The following KCNQ1 variants were observed in gnomAD, a reference collection of about 807,000 sequenced individuals.
The protein encoded by KCNQ1 is potassium voltage-gated channel subfamily Q member 1.
KCNQ1 carries 49 observed loss-of-function variants against 72.4 expected under a neutral mutation model. That is an observed-to-expected ratio of 0.68 (90% confidence interval 0.54 to 0.86). The LOEUF (loss-of-function observed/expected upper bound fraction) is 0.86. Among genes scored for constraint, KCNQ1 ranks in the 40% least tolerant of loss-of-function variants. The pLI is 0.00. For synonymous variants in KCNQ1, 450 were observed against 412.6 expected (o/e 1.09, Z -1.10); for missense variants, 790 against 945.1 (o/e 0.84, Z 2.15).
intron 10 of KCNQ1, chr11:2,619,070 C>T (rs993616269): frequency 1.3e-5 from 5 of 398,290 alleles, no homozygotes; most frequent in African/African-American, 8.2e-5. Flanking sequence ...TAACAGGTTG[C>T]TTTGTCAGAG....
At chr11:2,466,034 G>C (rs1445771263) in intron 1 of KCNQ1, among the ~76,000 whole-genome samples, 38 of 152,202 alleles carry the variant, frequency 2.5e-4, no homozygotes, top group Non-Finnish European at 1.5e-5. Context: ...GAGTGTTCTC[G>C]GGCTGGCTAT....
At chr11:2,499,296 T>C (rs145395253) in intron 1 of KCNQ1, among the ~76,000 whole-genome samples, 32 of 152,216 alleles carry the variant, frequency 2.1e-4, no homozygotes, top group Middle Eastern at 6.8e-3. Context: ...ACCTCAGATC[T>C]AAAACATATG....
At chr11:2,765,805 A>T (rs1229207936) in intron 11 of KCNQ1, among the ~76,000 whole-genome samples, 1 of 152,030 alleles carries the variant, frequency 6.6e-6, no homozygotes. Flanking sequence ...ATCTTTTTCT[A>T]TCCTTTCCCA....
At position 2,645,562 on chromosome 11, in the gene KCNQ1, G is replaced by A; in HGVS notation, c.1394-16399G>A. 1 of 398,720 alleles carries A rather than the reference G, an allele frequency of 2.5e-6. No homozygotes were observed. The highest frequency in any genetic ancestry group is 4.4e-6 in the Non-Finnish European group (1 of 226,142). 24.7% of individuals were successfully genotyped at this position (398,720 alleles called of 1,614,324 possible). A position where few individuals can be genotyped will look rare whatever the true frequency, so the allele number is the denominator to read the frequency against. On this transcript the variant is annotated intron_variant, in intron 10 of 15. Transcript: ENST00000155840. This position sits in a 1 kb window ranked among gnomAD's most constrained non-coding sequence, Gnocchi z 5.8. ...AGTGGGATTGCTTTCAGTGGCAGCA[G>A]CTATAAACAGGCAGTTGGGCAATGC...
At position 2,463,754 on chromosome 11, in the gene KCNQ1, G is replaced by A. The variant is rs1329472958; in HGVS notation, c.386+18270G>A. On this transcript the variant is annotated intron_variant, in intron 1 of 15. Coordinates refer to ENST00000155840, the MANE Select transcript of KCNQ1 (RefSeq NM_000218.3). The surrounding 1 kb of genome is among the most constrained non-coding windows in gnomAD (Gnocchi z 7.0). ...GTGCAACTCGAGTTTCAGAGTGGCGGCCTCTGCTCCTCACAAGACATTGCC... is the reference window on the plus strand; with the variant it reads ...GTGCAACTCGAGTTTCAGAGTGGCGACCTCTGCTCCTCACAAGACATTGCC... Among the ~76,000 whole-genome samples the A allele has an allele frequency of 6.6e-6, 1 of 152,244 alleles. No individual in the cohort carries two copies. The highest frequency in any genetic ancestry group is 1.5e-5 in the Non-Finnish European group (1 of 68,038).
chr11:2,677,099 C>A lies in KCNQ1; in HGVS notation c.1514+15018C>A. The A allele has an allele frequency of 5.0e-6, 2 of 398,608 alleles. No individual in the cohort carries two copies. 24.7% of individuals were successfully genotyped at this position (398,608 alleles called of 1,614,324 possible). ...TCAAATATATTCACTACTGAAATGA[C>A]CACTTATGAAATTAGTTTCCCTGAA... On this transcript the variant is annotated intron_variant, in intron 11 of 15. Coordinates refer to ENST00000155840, the MANE Select transcript of KCNQ1 (RefSeq NM_000218.3). The surrounding 1 kb of genome is among the most constrained non-coding windows in gnomAD (Gnocchi z 4.5).
chr11:2,721,168 C>A (rs1851196037), intron 11 of KCNQ1, among the ~76,000 whole-genome samples: 1 of 152,106 alleles, frequency 6.6e-6, no homozygotes, highest in Non-Finnish European at 1.5e-5. Context: ...GGGGCCAGAC[C>A]AACTCCAGGG....
chr11:2,667,172 C>CCT, intron 11 of KCNQ1: 1 of 398,682 alleles, frequency 2.5e-6, no homozygotes, highest in Admixed American at 4.4e-5. Flanking sequence ...TGGCTTCCAG[C>CCT]CTGCCATCAG....
At chr11:2,776,793 C>T (rs1334626426) in intron 13 of KCNQ1, among the ~76,000 whole-genome samples, 193 bp from the exon 14 acceptor site, 7 of 152,208 alleles carry the variant, frequency 4.6e-5, no homozygotes, top group Admixed American at 3.9e-4. Context: ...GATCCCTGCT[C>T]AGCCCCCTCG....
Position 2,616,427 on chromosome 11 carries a change from CTT to C in KCNQ1, c.1393+27576_1393+27577del, listed in dbSNP as rs1405983943. On this transcript the variant is annotated intron_variant, in intron 10 of 15. Coordinates refer to ENST00000155840, the MANE Select transcript of KCNQ1 (RefSeq NM_000218.3). The stretch of plus-strand genomic sequence containing the variant: ...ACTCATACATATTATTTCATTCTCT[CTT>C]TTAACTTTAGGTTTACTTCGTTCTT... 5 of 397,942 alleles carry C rather than the reference CTT, an allele frequency of 1.3e-5. No homozygotes were observed. The East Asian group carries it at 1.4e-4, about 11-fold the overall frequency. 24.7% of individuals were successfully genotyped at this position (397,942 alleles called of 1,614,324 possible).
intron 10 of KCNQ1, chr11:2,619,800 T>G (rs539522520): frequency 1.0e-5 from 4 of 398,438 alleles, no homozygotes; most frequent in East Asian, 7.1e-5. Flanking sequence ...TTGGGTAGTA[T>G]TCAGTCATGA....
intron 10 of KCNQ1, among the ~76,000 whole-genome samples, chr11:2,597,923 T>TG (rs1848754472): frequency 6.6e-6 from 1 of 152,174 alleles, no homozygotes; most frequent in Admixed American, 6.5e-5. Context: ...CATCTCTTCG[T>TG]TTTTCTTTTC....
chr11:2,552,846 G>A (rs1022796608), intron 2 of KCNQ1, among the ~76,000 whole-genome samples: 3 of 151,856 alleles, frequency 2.0e-5, no homozygotes, highest in African/African-American at 7.3e-5. Context: ...CCTCATGCAC[G>A]TCTTAGTAAT....
At position 2,508,363 on chromosome 11, in the gene KCNQ1, G is replaced by C. The variant is rs542423412; in HGVS notation, c.387-19565G>C. ...CATCATTGTCCTGGAACCTGGGCTT[G>C]GCAGGGCAAGCTTTGGGGAGCACTG... On this transcript the variant is annotated intron_variant, in intron 1 of 15. Transcript: ENST00000155840. This position sits in a 1 kb window ranked among gnomAD's most constrained non-coding sequence, Gnocchi z 6.2. Among the ~76,000 whole-genome samples the C allele has an allele frequency of 1.2e-4, 19 of 152,272 alleles. No individual in the cohort carries two copies. Among genetic ancestry groups the C allele is most frequent in the African/African-American group, 4.6e-4 (19 of 41,562 alleles).
rs751946698 is a variant in KCNQ1 at position 2,847,988 on chromosome 11, C to T, written c.2016C>T (p.Pro672=). 6.5e-6 allele frequency: 10 copies of T among 1,546,058 alleles called. No homozygotes were observed. The highest frequency in any genetic ancestry group is 1.7e-4 in the Middle Eastern group (1 of 5,926). Residue 672 remains proline, a synonymous_variant, in exon 16 of 16, where the codon CCC becomes CCT. Coordinates refer to ENST00000155840, the MANE Select transcript of KCNQ1 (RefSeq NM_000218.3). ...YEQLTVPRRG[P]DEGS is the part of the protein sequence containing the mutation. ...AGCTGACCGTGCCCAGGAGGGGCCC[C>T]GATGAGGGGTCCTGAGGAGGGGATG...
rs541084222 is a variant in KCNQ1, at chr11:2,778,328, G to A, written c.1794+291G>A. Among the ~76,000 whole-genome samples the A allele has an allele frequency of 6.6e-5, 10 of 152,302 alleles. No individual in the cohort carries two copies. In the South Asian group the frequency reaches 1.7e-3, roughly 25 times the overall value. Reference sequence around the variant, plus strand: ...TGCCCCCTCCCCCCAGCTCTTTCCCGCTGCCTCTCGTAGTCTGCTTTGTGC... The same window carrying A: ...TGCCCCCTCCCCCCAGCTCTTTCCCACTGCCTCTCGTAGTCTGCTTTGTGC... On this transcript the variant is annotated intron_variant, in intron 15 of 15. Coordinates refer to ENST00000155840, the MANE Select transcript of KCNQ1 (RefSeq NM_000218.3).
At position 2,567,086 on chromosome 11, in the gene KCNQ1, G is replaced by A. The variant is rs1160457364; in HGVS notation, c.478-3542G>A. ...CCCACGGGAGGCTCTGGGGGAGACT[G>A]GGCGGTGAGCCCCTGGGAAGGAGGC... On this transcript the variant is annotated intron_variant, in intron 2 of 15. Coordinates refer to ENST00000155840, the MANE Select transcript of KCNQ1 (RefSeq NM_000218.3). This position sits in a 1 kb window ranked among gnomAD's most constrained non-coding sequence, Gnocchi z 6.6. Among the ~76,000 whole-genome samples, 2 of 152,072 alleles carry A rather than the reference G, an allele frequency of 1.3e-5. No individual in the cohort carries two copies. Among genetic ancestry groups the A allele is most frequent in the East Asian group, 3.9e-4 (2 of 5,176 alleles).
At chr11:2,504,897 A>G (rs1256796704) in intron 1 of KCNQ1, among the ~76,000 whole-genome samples, 1 of 152,170 alleles carries the variant, frequency 6.6e-6, no homozygotes, top group African/African-American at 2.4e-5. Flanking sequence ...GACCCCATAA[A>G]CCTATACACC....
chr11:2,689,067 C>T (rs550035930), intron 11 of KCNQ1: 9 of 398,788 alleles, frequency 2.3e-5, no homozygotes, highest in South Asian at 1.3e-4. Flanking sequence ...TCCTCCTCCC[C>T]GGTGGCACAT....
Sources: allele counts gnomAD v4.1 joint callset (sites outside exome capture counted in the v4.1 genomes callset), GRCh38; gene constraint gnomAD v4.1.1; non-coding constraint Gnocchi (gnomAD v3.1); transcripts MANE v1.5; gene names NCBI Gene and HGNC (gene_info 2026-07-23, HGNC 2026-07-21).